Variants in CNTN5 observed in about 807,000 individuals in gnomAD.
The protein encoded by CNTN5 is contactin-5.
CNTN5 carries 77 observed loss-of-function variants against 129.1 expected under a neutral mutation model. The observed-to-expected ratio is 0.60, with a 90% CI of 0.50 to 0.72. The LOEUF (loss-of-function observed/expected upper bound fraction) is 0.72, where lower values mean the gene tolerates loss of function less well. Ranked by LOEUF, CNTN5 falls within the 30% of genes least tolerant of loss-of-function variation. CNTN5 has a pLI of 0.00. For synonymous variants in CNTN5, 509 were observed against 465.6 expected (o/e 1.09, Z -1.20); for missense variants, 1,478 against 1,328.8 (o/e 1.11, Z -1.75).
chr11:99,348,719 A>ATG lies in CNTN5; in HGVS notation c.-71+23243_-71+23244dup, dbSNP rs1938083430. On this transcript the variant is annotated intron_variant, in intron 2 of 24. Transcript: ENST00000524871. ...CTTAATTTTCCAGTTGACAGTGTGTATGTGTGTGTATTATATATCACATAT... is the reference window on the plus strand; with the variant it reads ...CTTAATTTTCCAGTTGACAGTGTGTATGTGTGTGTGTATTATATATCACATAT... Among the ~76,000 whole-genome samples, 3 of 152,134 alleles carry ATG rather than the reference A, an allele frequency of 2.0e-5. No individual in the cohort carries two copies. In the South Asian group the frequency reaches 6.2e-4, roughly 31 times the overall value.
chr11:100,041,186 A>T (rs567210531), intron 9 of CNTN5, among the ~76,000 whole-genome samples: 38 of 152,122 alleles, frequency 2.5e-4, no homozygotes, highest in African/African-American at 9.2e-4. Flanking sequence ...TAGACTACTG[A>T]CTCTTCCTAG....
chr11:99,436,580 A>G (rs1943608211), intron 2 of CNTN5, among the ~76,000 whole-genome samples: 1 of 152,214 alleles, frequency 6.6e-6, no homozygotes, highest in Non-Finnish European at 1.5e-5. Context: ...TATGACGGAC[A>G]GACATCATCT....
At chr11:99,694,499 A>G (rs1005917953) in intron 3 of CNTN5, among the ~76,000 whole-genome samples, 1 of 152,170 alleles carries the variant, frequency 6.6e-6, no homozygotes, top group Non-Finnish European at 1.5e-5. Context: ...GACTTTTTCA[A>G]ACTAAAATAC....
chr11:100,218,405 C>T (rs1733939214), intron 15 of CNTN5, among the ~76,000 whole-genome samples: 1 of 152,116 alleles, frequency 6.6e-6, no homozygotes, highest in Non-Finnish European at 1.5e-5. Context: ...ACCAGCTCCT[C>T]GATATTTATC....
intron 17 of CNTN5, among the ~76,000 whole-genome samples, chr11:100,260,955 G>T (rs1282358663): frequency 2.0e-5 from 3 of 152,052 alleles, no homozygotes; most frequent in East Asian, 1.9e-4. Context: ...GGGCAATCAG[G>T]CAAGAGAAAG....
chr11:99,670,475 G>T (rs1239678519), intron 3 of CNTN5, among the ~76,000 whole-genome samples: 2 of 152,110 alleles, frequency 1.3e-5, no homozygotes, highest in Non-Finnish European at 2.9e-5. Context: ...CACCTAATCT[G>T]ACATTCACAC....
At chr11:99,896,815 G>A (rs539201924) in intron 6 of CNTN5, among the ~76,000 whole-genome samples, 5 of 152,262 alleles carry the variant, frequency 3.3e-5, no homozygotes, top group Admixed American at 3.3e-4. Flanking sequence ...TCCCAGCTGA[G>A]GGTTCCTGCT....
At chr11:100,245,381 C>G (rs1162049799) in intron 16 of CNTN5, among the ~76,000 whole-genome samples, 1 of 152,102 alleles carries the variant, frequency 6.6e-6, no homozygotes. Context: ...CTGAACAAGT[C>G]TCTGTCACAA....
At chr11:99,241,185 G>T (rs1343569019) in intron 1 of CNTN5, among the ~76,000 whole-genome samples, 1 of 152,068 alleles carries the variant, frequency 6.6e-6, no homozygotes, top group Admixed American at 6.6e-5. Context: ...CTCCATGCAT[G>T]CATCCTTAGC....
intron 2 of CNTN5, among the ~76,000 whole-genome samples, chr11:99,341,734 A>G (rs992084344): frequency 3.3e-5 from 5 of 152,202 alleles, no homozygotes; most frequent in African/African-American, 1.2e-4. Context: ...TTAACCTTAC[A>G]AGAACGTTTT....
chr11:99,363,705 T>C (rs1274488680), intron 2 of CNTN5, among the ~76,000 whole-genome samples: 1 of 152,066 alleles, frequency 6.6e-6, no homozygotes, highest in African/African-American at 2.4e-5. Context: ...ATAAATCCCA[T>C]GGCCATGCTA....
intron 16 of CNTN5, among the ~76,000 whole-genome samples, chr11:100,237,234 T>C (rs1591424239): frequency 6.8e-6 from 1 of 147,574 alleles, no homozygotes; most frequent in African/African-American, 2.5e-5. Context: ...AAGTTCCAAG[T>C]AGAAGTTACT....
intron 1 of CNTN5, among the ~76,000 whole-genome samples, chr11:99,185,678 A>G (rs1858308756): frequency 6.6e-6 from 1 of 151,854 alleles, no homozygotes. Flanking sequence ...CAATAACTAG[A>G]CAATGTGAGC....
chr11:99,579,450 T>G (rs1211000128), intron 3 of CNTN5, among the ~76,000 whole-genome samples: 11 of 151,566 alleles, frequency 7.3e-5, no homozygotes, highest in Admixed American at 7.2e-4. Context: ...TATTGATTCT[T>G]CCTACCCATG....
At chr11:99,426,474 T>G (rs1409531025) in intron 2 of CNTN5, among the ~76,000 whole-genome samples, 1 of 152,196 alleles carries the variant, frequency 6.6e-6, no homozygotes, top group East Asian at 1.9e-4. Flanking sequence ...AACAAATCTA[T>G]TAAATTTTAA....
At chr11:100,046,568 C>G (rs566201227) in intron 9 of CNTN5, among the ~76,000 whole-genome samples, 1 of 151,740 alleles carries the variant, frequency 6.6e-6, no homozygotes, top group Admixed American at 6.6e-5. Context: ...TAAGATTTCT[C>G]CATAGTGTTC....
intron 1 of CNTN5, among the ~76,000 whole-genome samples, chr11:99,302,824 A>G (rs950930033): frequency 1.3e-5 from 2 of 151,774 alleles, no homozygotes; most frequent in Non-Finnish European, 3.0e-5. Flanking sequence ...ATCAAAAATG[A>G]GAAATATTGA....
intron 3 of CNTN5, among the ~76,000 whole-genome samples, chr11:99,727,320 A>AAAAAAAAAAAAAAAAAAG (rs1485532187): frequency 7.4e-6 from 1 of 134,624 alleles, no homozygotes; most frequent in Non-Finnish European, 1.6e-5. Flanking sequence ...CTCAAAAAAA[A>AAAAAAAAAAAAAAAAAAG]AAAAAAAAAA....
intron 2 of CNTN5, among the ~76,000 whole-genome samples, chr11:99,543,078 T>G (rs1192280525): frequency 1.3e-5 from 2 of 152,090 alleles, no homozygotes; most frequent in East Asian, 3.8e-4. Context: ...TGTGCTCTGT[T>G]ATATATATAT....
Sources: allele counts gnomAD v4.1 joint callset (sites outside exome capture counted in the v4.1 genomes callset), GRCh38; gene constraint gnomAD v4.1.1; transcripts MANE v1.5; gene names NCBI Gene and HGNC (gene_info 2026-07-23, HGNC 2026-07-21).